The following DLGAP2 variants were observed in gnomAD, a reference collection of about 807,000 sequenced individuals.
The protein encoded by DLGAP2 is DLG associated protein 2.
A neutral mutation model predicts 100.3 loss-of-function variants in DLGAP2; 26 were observed. The observed-to-expected ratio is 0.26, with a 90% confidence interval of 0.19 to 0.36. DLGAP2 has a LOEUF of 0.36. Among genes scored for constraint, DLGAP2 ranks in the 10% least tolerant of loss-of-function variants. The pLI is 1.00. For synonymous variants in DLGAP2, 886 were observed against 630.1 expected, an observed-to-expected ratio of 1.41 and a Z score of -6.08; for missense variants, 1,858 against 1,453.2, an observed-to-expected ratio of 1.28 and a Z score of -4.53.
At chr8:1,518,905 AG>A (rs1800488542) in intron 4 of DLGAP2, among the ~76,000 whole-genome samples, 1 of 152,220 alleles carries the variant, frequency 6.6e-6, no homozygotes, top group Non-Finnish European at 1.5e-5. Context: ...TTCTCACGCC[AG>A]TGCCCGTGCT....
At chr8:862,342 G>A (rs974580046) in intron 1 of DLGAP2, among the ~76,000 whole-genome samples, 3 of 146,628 alleles carry the variant, frequency 2.0e-5, no homozygotes, top group South Asian at 2.2e-4. Context: ...TCACTCTGTC[G>A]CCCAGGCTGG....
At chr8:1,389,255 C>T (rs927145153) in intron 3 of DLGAP2, among the ~76,000 whole-genome samples, 6 of 142,266 alleles carry the variant, frequency 4.2e-5, no homozygotes, top group Non-Finnish European at 7.4e-5. Flanking sequence ...GATTGGAAGG[C>T]GACGTGGCTT....
chr8:1,149,005 G>GA (rs1796652882), intron 2 of DLGAP2, among the ~76,000 whole-genome samples: 1 of 152,102 alleles, frequency 6.6e-6, no homozygotes, highest in South Asian at 2.1e-4. Context: ...TAATTGATCA[G>GA]ATTTATCCAG....
At position 1,018,007 on chromosome 8, in the gene DLGAP2, C is replaced by T. The variant is rs555056802; in HGVS notation, c.73+110041C>T. On this transcript the variant is annotated intron_variant, in intron 2 of 14. Coordinates refer to ENST00000637795, the MANE Select transcript of DLGAP2 (RefSeq NM_001346810.2). The stretch of plus-strand genomic sequence containing the variant: ...CCCACAACCTGAACTATTCCCACCC[C>T]ATCCCTTTGTGGAAAGCGCTCACTG... Among the ~76,000 whole-genome samples, 6 of 152,290 alleles carry T rather than the reference C, an allele frequency of 3.9e-5. No individual in the cohort carries two copies. The East Asian group carries it at 7.8e-4, about 20-fold the overall frequency.
chr8:1,028,676 G>A (rs1801888463), intron 2 of DLGAP2, among the ~76,000 whole-genome samples: 1 of 152,248 alleles, frequency 6.6e-6, no homozygotes, highest in Non-Finnish European at 1.5e-5. Context: ...CCAGGAGCTA[G>A]GGTGTGGAGA....
At chr8:1,641,614 T>C (rs1797901212) in intron 8 of DLGAP2, among the ~76,000 whole-genome samples, 1 of 152,102 alleles carries the variant, frequency 6.6e-6, no homozygotes. Flanking sequence ...TTCCCTGAAG[T>C]AGGGGTACAT....
At chr8:1,656,780 C>G (rs530466133) in intron 8 of DLGAP2, among the ~76,000 whole-genome samples, 144 of 152,302 alleles carry the variant, frequency 9.5e-4, no homozygotes, top group Non-Finnish European at 1.8e-3. Flanking sequence ...GTGTGATTAA[C>G]CTTTTCTTCG....
At chr8:1,149,800 C>G (rs1489727448) in intron 2 of DLGAP2, among the ~76,000 whole-genome samples, 1 of 152,012 alleles carries the variant, frequency 6.6e-6, no homozygotes, top group African/African-American at 2.4e-5. Flanking sequence ...ACATTTTCCT[C>G]TCTTGACTCG....
chr8:1,098,580 C>G (rs577619024), intron 2 of DLGAP2, among the ~76,000 whole-genome samples: 8 of 149,658 alleles, frequency 5.3e-5, no homozygotes, highest in Non-Finnish European at 7.5e-5. Flanking sequence ...CCACAGACGC[C>G]GCGACCCACA....
At chr8:749,821 G>T (rs1338228488) in intron 1 of DLGAP2, among the ~76,000 whole-genome samples, 1 of 152,180 alleles carries the variant, frequency 6.6e-6, no homozygotes, top group Non-Finnish European at 1.5e-5. Context: ...CTGGAGCCAA[G>T]GTATCCTGGG....
chr8:1,334,234 A>C (rs1477082893), intron 3 of DLGAP2, among the ~76,000 whole-genome samples: 1 of 152,148 alleles, frequency 6.6e-6, no homozygotes, highest in African/African-American at 2.4e-5. Context: ...TTGGCTGCAC[A>C]CCTGAGCTGG....
intron 3 of DLGAP2, among the ~76,000 whole-genome samples, chr8:1,363,902 G>C (rs1802043417): frequency 6.6e-6 from 1 of 152,114 alleles, no homozygotes; most frequent in East Asian, 1.9e-4. Flanking sequence ...CCGTGAGGTT[G>C]TGCCGGCTGG....
chr8:1,039,896 A>ATGGTCAGCTCGGTGTGCG (rs1415348655), intron 2 of DLGAP2, among the ~76,000 whole-genome samples: 2 of 77,650 alleles, frequency 2.6e-5, no homozygotes, highest in Non-Finnish European at 5.2e-5. Context: ...CTCGGTATGC[A>ATGGTCAGCTCGGTGTGCG]TGGTCAGCTC....
chr8:1,493,188 A>ACGGC (rs1799442233), intron 3 of DLGAP2, among the ~76,000 whole-genome samples: 1 of 152,218 alleles, frequency 6.6e-6, no homozygotes, highest in African/African-American at 2.4e-5. Context: ...AGGAACCCAG[A>ACGGC]TGGCTGCCTT....
intron 3 of DLGAP2, among the ~76,000 whole-genome samples, chr8:1,359,959 C>T (rs898067565): frequency 6.6e-6 from 1 of 152,178 alleles, no homozygotes; most frequent in African/African-American, 2.4e-5. Flanking sequence ...AGTTCGTGGA[C>T]GAGTCCACGG....
chr8:892,425 G>A (rs1030492091), intron 1 of DLGAP2, among the ~76,000 whole-genome samples: 1 of 152,174 alleles, frequency 6.6e-6, no homozygotes, highest in African/African-American at 2.4e-5. Context: ...GGGACACTAT[G>A]CTGAGTGGAA....
At position 861,765 on chromosome 8, in the gene DLGAP2, T is replaced by A. The variant is rs142899950; in HGVS notation, c.19-46147T>A. 9.8e-5 allele frequency among the ~76,000 whole-genome samples: 15 copies of A among 152,314 alleles called. No individual in the cohort carries two copies. In the East Asian group the frequency reaches 2.9e-3, roughly 29 times the overall value. On this transcript the variant is annotated intron_variant, in intron 1 of 14. Transcript: ENST00000637795. The stretch of plus-strand genomic sequence containing the variant: ...GGGACAGCAGCGTTGACGCGCAGCT[T>A]GTCCCATTTTGCAGGCAGGACACAC...
At chr8:1,037,724 C>G (rs1192783628) in intron 2 of DLGAP2, among the ~76,000 whole-genome samples, 1 of 152,206 alleles carries the variant, frequency 6.6e-6, no homozygotes, top group Non-Finnish European at 1.5e-5. Context: ...ATGCAAAACC[C>G]AGCCCCCTTT....
At chr8:955,523 G>A (rs1034148445) in intron 2 of DLGAP2, among the ~76,000 whole-genome samples, 2 of 152,210 alleles carry the variant, frequency 1.3e-5, no homozygotes, top group South Asian at 2.1e-4. Context: ...TCTGAGCCCC[G>A]GGTTGGGTGG....
Sources: allele counts gnomAD v4.1 joint callset (sites outside exome capture counted in the v4.1 genomes callset), GRCh38; gene constraint gnomAD v4.1.1; transcripts MANE v1.5; gene names NCBI Gene and HGNC (gene_info 2026-07-23, HGNC 2026-07-21).